DEK: variants seen among roughly 807,000 people sequenced by gnomAD.
DEK encodes DEK proto-oncogene.
Under a neutral mutation model 46.8 loss-of-function variants are expected in DEK, and 28 were observed. The observed-to-expected ratio is 0.60, with a 90% CI of 0.44 to 0.82. The LOEUF is 0.82. DEK is among the 40% of genes least tolerant of loss of function. The probability of loss-of-function intolerance (pLI) is 0.00; values close to 1 mark genes in which losing one functional copy is unlikely to be tolerated. For missense variants in DEK, 416 were observed against 430.6 expected, an observed-to-expected ratio of 0.97 and a Z score of 0.30; for synonymous variants, 160 against 144.5, an observed-to-expected ratio of 1.11 and a Z score of -0.77.
At position 18,224,240 on chromosome 6, in the gene DEK, C is replaced by T. The variant is rs11200; in HGVS notation, c.*1479G>A. ...AGAACAAATATTTAAAATCGAAGGC[C>T]AATTATTAGGTCTCATTTAGTTGCT... is the stretch of plus-strand genomic sequence containing the variant. On this transcript the variant is annotated 3_prime_UTR_variant, in exon 11 of 11. Coordinates refer to ENST00000652689, the MANE Select transcript of DEK (RefSeq NM_003472.4). The T allele has an allele frequency of 0.014, 2,432 of 179,748 alleles. 67 individuals carry two copies. Among genetic ancestry groups the T allele is most frequent in the African/African-American group, 0.054 (2,308 of 42,448 alleles). The allele number at this position is 179,748 out of a possible 1,614,324, so 11.1% of individuals were successfully genotyped here. A position where few individuals can be genotyped will look rare whatever the true frequency, so the allele number is the denominator to read the frequency against.
At chr6:18,230,768 C>A (rs1790380826) in intron 9 of DEK, among the ~76,000 whole-genome samples, 1 of 152,148 alleles carries the variant, frequency 6.6e-6, no homozygotes, top group African/African-American at 2.4e-5. Flanking sequence ...GACTCCCACA[C>A]AATAATAATG....
chr6:18,245,289 G>C (rs1182764213), intron 7 of DEK, among the ~76,000 whole-genome samples: 1 of 152,240 alleles, frequency 6.6e-6, no homozygotes, highest in Middle Eastern at 3.2e-3. Flanking sequence ...AAAGATGAGA[G>C]ATCAGGAAAG....
chr6:18,226,617 A>T (rs1297529502), intron 9 of DEK, among the ~76,000 whole-genome samples: 2 of 152,182 alleles, frequency 1.3e-5, no homozygotes, highest in African/African-American at 2.4e-5. Flanking sequence ...TTGTGTCTAC[A>T]AAAAATTTAA....
At chr6:18,229,207 C>T (rs966448688) in intron 9 of DEK, among the ~76,000 whole-genome samples, 1 of 152,174 alleles carries the variant, frequency 6.6e-6, no homozygotes, top group Non-Finnish European at 1.5e-5. Context: ...ACAAAAAGAA[C>T]ATCCACACCA....
rs1013166489 is a variant in DEK at position 18,224,820 on chromosome 6, C to T, written c.*899G>A. On this transcript the variant is annotated 3_prime_UTR_variant, in exon 11 of 11. Coordinates refer to ENST00000652689, the MANE Select transcript of DEK (RefSeq NM_003472.4). ...CCAAATGTGCTTGTACTTAATCCCA[C>T]CCTTTCCCAAAGTTTTTGAAGCTTT... The T allele has an allele frequency of 6.1e-5, 13 of 211,554 alleles. No homozygotes were observed. Among genetic ancestry groups the T allele is most frequent in the Non-Finnish European group, 3.8e-5 (4 of 104,218 alleles). 13.1% of individuals were successfully genotyped at this position (211,554 alleles called of 1,614,324 possible). A position where few individuals can be genotyped will look rare whatever the true frequency, so the allele number is the denominator to read the frequency against.
chr6:18,249,746 G>C lies in DEK; in HGVS notation c.667C>G (p.Pro223Ala), dbSNP rs926824535. 2.5e-6 allele frequency: 4 copies of C among 1,613,348 alleles called. No homozygotes were observed. The change falls in exon 7 of 11, where the codon CCT becomes GCT. Residue 223 changes from proline (P) to alanine (A), a missense_variant. Pro to Ala is a conservative substitution (Grantham distance 27). Coordinates refer to ENST00000652689, the MANE Select transcript of DEK (RefSeq NM_003472.4). ...MARKAKRTKC[P>A]EILSDESSSD... ...CTAGATTCATCTGACAGAATTTCAG[G>C]ACATTTGGTTCGCTTAGCCTTCCTT... is the stretch of plus-strand genomic sequence containing the variant.
intron 7 of DEK, among the ~76,000 whole-genome samples, chr6:18,238,823 A>G (rs2151082749): frequency 6.6e-6 from 1 of 152,316 alleles, no homozygotes; most frequent in East Asian, 1.9e-4. Context: ...GATATTTTAA[A>G]TTCTCCCATT....
At chr6:18,241,095 A>C (rs1200754898) in intron 7 of DEK, among the ~76,000 whole-genome samples, 2 of 152,250 alleles carry the variant, frequency 1.3e-5, no homozygotes, top group African/African-American at 4.8e-5. Context: ...AAAGCTGAAC[A>C]GTAAAACTAC....
chr6:18,228,389 C>CG (rs1790229984), intron 9 of DEK, among the ~76,000 whole-genome samples: 1 of 152,086 alleles, frequency 6.6e-6, no homozygotes, highest in Admixed American at 6.5e-5. Flanking sequence ...TTGTTTGCCC[C>CG]GGGAGGTTCC....
intron 6 of DEK, among the ~76,000 whole-genome samples, chr6:18,254,550 G>C (rs188073800): frequency 4.3e-4 from 65 of 151,924 alleles, no homozygotes; most frequent in African/African-American, 1.6e-3. Flanking sequence ...GTCAAATACA[G>C]TGAAGATCAA....
At chr6:18,256,479 T>TG in intron 4 of DEK, 24 bp from the exon 5 acceptor site, 1 of 1,579,148 alleles carries the variant, frequency 6.3e-7, no homozygotes, top group Non-Finnish European at 8.7e-7. Context: ...TTATTATTAA[T>TG]GGTATTTATT....
intron 6 of DEK, among the ~76,000 whole-genome samples, chr6:18,251,995 T>C (rs745720048): frequency 1.3e-5 from 2 of 152,122 alleles, no homozygotes; most frequent in Non-Finnish European, 2.9e-5. Context: ...AATATACAAA[T>C]GCCTTAGAGT....
intron 10 of DEK, 105 bp from the exon 11 acceptor site, chr6:18,225,835 A>T (rs896530714): frequency 3.0e-6 from 4 of 1,341,138 alleles, no homozygotes; most frequent in Non-Finnish European, 4.2e-6. Flanking sequence ...GTTGAGATCA[A>T]TACAGAATTA....
intron 9 of DEK, among the ~76,000 whole-genome samples, chr6:18,228,485 GATACCA>G (rs1790235310): frequency 6.6e-6 from 1 of 151,916 alleles, no homozygotes; most frequent in Non-Finnish European, 1.5e-5. Context: ...TTCCAACTGA[GATACCA>G]GGTTCATCTC....
chr6:18,255,714 T>C lies in DEK; in HGVS notation c.573+17A>G. On this transcript the variant is annotated intron_variant, in intron 6 of 10. Transcript: ENST00000652689. The stretch of plus-strand genomic sequence containing the variant: ...ATGAATAACTGATTTATGAAAAAAA[T>C]AAAAATTGATCCTCACTTTGCCAGA... 5.7e-6 allele frequency: 9 copies of C among 1,580,824 alleles called. No homozygotes were observed. The highest frequency in any genetic ancestry group is 7.7e-6 in the Non-Finnish European group (9 of 1,171,676).
At chr6:18,227,280 C>T (rs1293239755) in intron 9 of DEK, among the ~76,000 whole-genome samples, 1 of 152,102 alleles carries the variant, frequency 6.6e-6, no homozygotes, top group Non-Finnish European at 1.5e-5. Context: ...GTATAAAACC[C>T]GATTGTACGT....
rs138507277 is a variant in DEK, at chr6:18,226,545, T to C, written c.1048-303A>G. Among the ~76,000 whole-genome samples the C allele has an allele frequency of 8.8e-3, 1,343 of 152,290 alleles. 11 individuals carry two copies. Among genetic ancestry groups the C allele is most frequent in the Non-Finnish European group, 0.015 (987 of 68,020 alleles). Reference sequence around the variant, plus strand: ...TGTAATTCCAACACTCTGGGAAACCTAGGTGGGAAGATCACTTGAGCCCAG... The same window carrying C: ...TGTAATTCCAACACTCTGGGAAACCCAGGTGGGAAGATCACTTGAGCCCAG... On this transcript the variant is annotated intron_variant, in intron 9 of 10. Coordinates refer to ENST00000652689, the MANE Select transcript of DEK (RefSeq NM_003472.4).
rs1275926447 is a variant in DEK at position 18,264,159 on chromosome 6, C to T, written c.-9-163G>A. ...CGCTCAGTCCCCAGGGGCGGCTTCC[C>T]TCCCGCTCCGCCGCCGCCGTCCAGG... On this transcript the variant is annotated intron_variant, in intron 1 of 10. Transcript: ENST00000652689. 6.1e-5 allele frequency: 33 copies of T among 537,124 alleles called. 1 individual carries two copies. In the East Asian group the frequency reaches 1.2e-3, roughly 19 times the overall value. 33.3% of individuals were successfully genotyped at this position (537,124 alleles called of 1,614,324 possible).
intron 2 of DEK, among the ~76,000 whole-genome samples, chr6:18,259,326 C>T (rs984947802): frequency 7.7e-6 from 1 of 129,606 alleles, no homozygotes; most frequent in Non-Finnish European, 1.6e-5. Context: ...ACCCAGGAGG[C>T]GGAGCTTGCA....
Sources: gnomAD v4.1 joint callset for allele counts (sites outside exome capture counted in the v4.1 genomes callset) on GRCh38, gnomAD v4.1.1 for gene constraint, MANE v1.5 for transcripts, NCBI Gene and HGNC (gene_info 2026-07-23, HGNC 2026-07-21) for gene names.